The following HERC2 variants were observed in gnomAD, a reference collection of about 807,000 sequenced individuals.
The protein encoded by HERC2 is E3 ubiquitin-protein ligase HERC2.
A neutral mutation model predicts 537.7 loss-of-function variants in HERC2; 102 were observed. The observed-to-expected ratio is 0.19, with a 90% CI of 0.16 to 0.22. The LOEUF is 0.22. Among genes scored for constraint, HERC2 ranks in the 10% least tolerant of loss-of-function variants. The pLI, the probability that HERC2 is intolerant of heterozygous loss-of-function variation, is 1.00. For synonymous variants in HERC2, 2,224 were observed against 2,466.2 expected (o/e 0.90, Z 2.91); for missense variants, 4,236 against 6,198.2 (o/e 0.68, Z 10.63).
In HERC2 at chr15:28,268,385, A is replaced by G. The variant is rs1445166983; in HGVS notation, c.1598+80T>C. 1.3e-5 allele frequency: 18 copies of G among 1,362,088 alleles called. No individual in the cohort carries two copies. The highest frequency in any genetic ancestry group is 1.8e-5 in the Non-Finnish European group (18 of 978,998). 84.4% of individuals were successfully genotyped at this position (1,362,088 alleles called of 1,614,324 possible). On this transcript the variant is annotated intron_variant, in intron 12 of 92. Coordinates refer to ENST00000261609, the MANE Select transcript of HERC2 (RefSeq NM_004667.6). The surrounding 1 kb of genome is among the most constrained non-coding windows in gnomAD (Gnocchi z 4.7). ...CAGGGCAATTGGAAAACACCTGGAC[A>G]CACTTCTGCGCTCCATCCTGTTTAG... is the stretch of plus-strand genomic sequence containing the variant.
At chr15:28,148,000 G>A (rs1416445487) in intron 70 of HERC2, among the ~76,000 whole-genome samples, 6 of 150,602 alleles carry the variant, frequency 4.0e-5, no homozygotes, top group African/African-American at 1.5e-4. Context: ...TCACACCACT[G>A]CACTTCAGCC....
At chr15:28,224,134 TAC>T (rs35809371) in intron 35 of HERC2, among the ~76,000 whole-genome samples, 1 of 5,758 alleles carries the variant, frequency 1.7e-4, no homozygotes, top group South Asian at 2.1e-3. Context: ...TAAAAAATTA[TAC>T]ACACACACAC....
chr15:28,209,341 TTTTA>T (rs923475609), intron 44 of HERC2, among the ~76,000 whole-genome samples: 4 of 152,032 alleles, frequency 2.6e-5, no homozygotes, highest in African/African-American at 4.8e-5. Context: ...TTTATTTTAT[TTTTA>T]TTTATTTATT....
At chr15:28,283,518 TCA>T (rs1463381541) in intron 4 of HERC2, among the ~76,000 whole-genome samples, 2 of 152,152 alleles carry the variant, frequency 1.3e-5, no homozygotes. Context: ...ACAGAATTTG[TCA>T]CCAGAAGACC....
At chr15:28,253,984 AT>A (rs1160553472) in intron 20 of HERC2, among the ~76,000 whole-genome samples, 1 of 151,134 alleles carries the variant, frequency 6.6e-6, no homozygotes, top group Non-Finnish European at 1.5e-5. Flanking sequence ...TTAAAAAAAA[AT>A]AATAAGTACA....
intron 59 of HERC2, 81 bp downstream of exon 59, chr15:28,178,806 G>A (rs975848321): frequency 3.5e-6 from 5 of 1,418,406 alleles, no homozygotes; most frequent in Admixed American, 4.5e-5. Context: ...AAGAATGTAA[G>A]GACACCAATT....
At chr15:28,132,365 T>C (rs1890197218) in intron 80 of HERC2, 104 bp from the exon 81 acceptor site, 1 of 1,118,120 alleles carries the variant, frequency 8.9e-7, no homozygotes, top group Non-Finnish European at 1.2e-6. Flanking sequence ...GGTACCTGTT[T>C]TAAGCCTTTA....
chr15:28,195,033 G>A (rs1308687137), intron 52 of HERC2, among the ~76,000 whole-genome samples: 1 of 150,860 alleles, frequency 6.6e-6, no homozygotes, highest in Admixed American at 6.6e-5. Context: ...TCCAGCCTGG[G>A]CAACAGAGTG....
At chr15:28,228,193 G>A in intron 35 of HERC2, 25 bp downstream of exon 35, 2 of 1,600,878 alleles carry the variant, frequency 1.2e-6, no homozygotes, top group Non-Finnish European at 1.7e-6. Flanking sequence ...TTTTCCCAAA[G>A]GCGCTCAAGC....
intron 64 of HERC2, 101 bp from the exon 65 acceptor site, chr15:28,174,721 G>C: frequency 7.1e-6 from 7 of 981,520 alleles, no homozygotes; most frequent in Non-Finnish European, 1.1e-5. Flanking sequence ...TGCCACGGTA[G>C]TTGAAAGAAT....
At chr15:28,145,005 G>A (rs972680779) in intron 71 of HERC2, among the ~76,000 whole-genome samples, 1 of 152,186 alleles carries the variant, frequency 6.6e-6, no homozygotes, top group African/African-American at 2.4e-5. Context: ...CAGCAAACAC[G>A]CATTCAGCCC....
intron 4 of HERC2, among the ~76,000 whole-genome samples, chr15:28,292,580 G>A (rs957745338): frequency 5.0e-4 from 76 of 152,118 alleles, no homozygotes; most frequent in African/African-American, 1.8e-3. Context: ...ACTCAGGAGT[G>A]TGAGGCAGGG....
At chr15:28,253,921 C>T (rs1243022128) in intron 20 of HERC2, among the ~76,000 whole-genome samples, 1 of 152,140 alleles carries the variant, frequency 6.6e-6, no homozygotes, top group Non-Finnish European at 1.5e-5. Flanking sequence ...AAGATCATGA[C>T]ACTGCACTCC....
intron 56 of HERC2, among the ~76,000 whole-genome samples, chr15:28,182,777 C>A (rs971208329): frequency 4.5e-4 from 69 of 152,202 alleles, no homozygotes; most frequent in African/African-American, 1.6e-3. Context: ...AACGATGATA[C>A]ACCAGGCCTT....
At chr15:28,151,769 TAAAAA>T in intron 70 of HERC2, among the ~76,000 whole-genome samples, 1 of 145,646 alleles carries the variant, frequency 6.9e-6, no homozygotes. Flanking sequence ...ATAATAACAT[TAAAAA>T]AAAAAACAGG....
At position 28,113,454 on chromosome 15, in the gene HERC2, G is replaced by C; in HGVS notation, c.14019+119C>G. 9.3e-7 allele frequency: 1 copy of C among 1,074,126 alleles called. No homozygotes were observed. The highest frequency in any genetic ancestry group is 1.4e-5 in the South Asian group (1 of 73,476). 66.5% of individuals were successfully genotyped at this position (1,074,126 alleles called of 1,614,324 possible). On this transcript the variant is annotated intron_variant, in intron 91 of 92. Coordinates refer to ENST00000261609, the MANE Select transcript of HERC2 (RefSeq NM_004667.6). This position sits in a 1 kb window ranked among gnomAD's most constrained non-coding sequence, Gnocchi z 7.0. ...GCAGGCGGGTGGAGGGACGCGCTCA[G>C]AGTGCACTCCCTTCAGTCAACACAC... is the stretch of plus-strand genomic sequence containing the variant.
chr15:28,314,830 C>T (rs1254972233), intron 2 of HERC2, among the ~76,000 whole-genome samples: 4 of 151,162 alleles, frequency 2.6e-5, no homozygotes, highest in Non-Finnish European at 4.4e-5. Flanking sequence ...CACTGCACTC[C>T]AGCCTGGGCA....
intron 81 of HERC2, 44 bp from the exon 82 acceptor site, chr15:28,130,638 C>T (rs776333408): frequency 5.4e-6 from 7 of 1,296,374 alleles, no homozygotes; most frequent in Non-Finnish European, 7.9e-6. Flanking sequence ...CAACAAGGCT[C>T]CTGCTGACTG....
intron 16 of HERC2, among the ~76,000 whole-genome samples, chr15:28,258,798 T>A (rs930920540): frequency 3.2e-4 from 48 of 152,054 alleles, no homozygotes; most frequent in African/African-American, 1.1e-3. Flanking sequence ...ACGAAAAGAT[T>A]GTTCTTTGAA....
Sources: gnomAD v4.1 joint callset for allele counts (sites outside exome capture counted in the v4.1 genomes callset) on GRCh38, gnomAD v4.1.1 for gene constraint, Gnocchi (gnomAD v3.1) non-coding constraint, MANE v1.5 for transcripts, NCBI Gene and HGNC (gene_info 2026-07-23, HGNC 2026-07-21) for gene names.